The following RNLS variants were observed in gnomAD, a reference collection of about 807,000 sequenced individuals.
RNLS encodes the protein renalase.
Under a neutral mutation model 39.8 loss-of-function variants are expected in RNLS, and 39 were observed. That is an observed-to-expected ratio of 0.98 (90% CI 0.76 to 1.28). The LOEUF is 1.28. Among genes scored for constraint, RNLS ranks in the 50% most tolerant of loss-of-function variants. The pLI is 0.00. For missense variants in RNLS, 410 were observed against 413.3 expected, an observed-to-expected ratio of 0.99 and a Z score of 0.07; for synonymous variants, 147 against 150.7, an observed-to-expected ratio of 0.98 and a Z score of 0.18.
chr10:88,230,526 A>G, the RNLS span, among the ~76,000 whole-genome samples: 1 of 152,034 alleles, frequency 6.6e-6, no homozygotes, highest in African/African-American at 2.4e-5. Context: ...TGCATCTCAC[A>G]CATCTTGGTG....
chr10:88,291,125 T>G (rs1373316319), intron 6 of RNLS, among the ~76,000 whole-genome samples: 1 of 152,146 alleles, frequency 6.6e-6, no homozygotes, highest in Non-Finnish European at 1.5e-5. Flanking sequence ...TGGCAAGTAC[T>G]AAGTAAGGTG....
rs140472516 is a variant in RNLS, at chr10:88,305,744, C to T, written c.876+8722G>A. Reference sequence around the variant, plus strand: ...CAATAATAGTGGGGATCTTTAACACCCCACTGATAACATTAGGCAGATGAT... The same window carrying T: ...CAATAATAGTGGGGATCTTTAACACTCCACTGATAACATTAGGCAGATGAT... On this transcript the variant is annotated intron_variant, in intron 6 of 6. Transcript: ENST00000331772. 6.9e-3 allele frequency among the ~76,000 whole-genome samples: 1,045 copies of T among 152,096 alleles called. 4 individuals are homozygous for T. Among genetic ancestry groups the T allele is most frequent in the Non-Finnish European group, 0.01 (710 of 67,960 alleles).
At chr10:88,219,058 T>A in the RNLS span, among the ~76,000 whole-genome samples, 2 of 152,346 alleles carry the variant, frequency 1.3e-5, no homozygotes, top group South Asian at 4.1e-4. Flanking sequence ...TCCTATTTTG[T>A]ATTTTTCTTT....
the RNLS span, among the ~76,000 whole-genome samples, chr10:88,268,605 A>G: frequency 9.8e-5 from 15 of 152,332 alleles, no homozygotes; most frequent in Admixed American, 7.8e-4. Context: ...CAGACAGGCC[A>G]GGGCTGAATT....
At chr10:88,555,834 CCT>C (rs769625778) in intron 4 of RNLS, among the ~76,000 whole-genome samples, 38 of 152,110 alleles carry the variant, frequency 2.5e-4, no homozygotes, top group Non-Finnish European at 4.9e-4. Flanking sequence ...CTGGCATCTC[CCT>C]CTCAGTCTTT....
chr10:88,425,792 A>T (rs1020069310), intron 4 of RNLS, among the ~76,000 whole-genome samples: 3 of 152,112 alleles, frequency 2.0e-5, no homozygotes, highest in African/African-American at 4.8e-5. Context: ...AGAGAAAAAA[A>T]CGTTGATGTG....
chr10:88,177,994 G>A, the RNLS span, among the ~76,000 whole-genome samples: 1 of 152,174 alleles, frequency 6.6e-6, no homozygotes, highest in Non-Finnish European at 1.5e-5. Flanking sequence ...CATTGGTGGG[G>A]AGCAGCAGCA....
At chr10:88,507,039 A>G (rs905499550) in intron 4 of RNLS, among the ~76,000 whole-genome samples, 3 of 152,170 alleles carry the variant, frequency 2.0e-5, no homozygotes, top group Admixed American at 6.6e-5. Context: ...ATCATCAACC[A>G]TAAGCTTTTA....
chr10:88,456,987 G>A (rs1040265982), intron 4 of RNLS, among the ~76,000 whole-genome samples: 2 of 152,102 alleles, frequency 1.3e-5, no homozygotes, highest in Non-Finnish European at 2.9e-5. Flanking sequence ...CCTTCCAAAT[G>A]GTCGGTGAAG....
At chr10:88,459,913 T>C (rs188281106) in intron 4 of RNLS, among the ~76,000 whole-genome samples, 2 of 152,212 alleles carry the variant, frequency 1.3e-5, no homozygotes, top group African/African-American at 4.8e-5. Context: ...GAGAAATACA[T>C]GGCCACTGAA....
chr10:88,398,765 AAAGGGGG>A (rs1371638277), intron 4 of RNLS, among the ~76,000 whole-genome samples: 1 of 151,980 alleles, frequency 6.6e-6, no homozygotes, highest in African/African-American at 2.4e-5. Context: ...ACAAACAACC[AAAGGGGG>A]GCAAAAAGAT....
intron 4 of RNLS, among the ~76,000 whole-genome samples, chr10:88,403,523 C>A (rs968857826): frequency 1.3e-5 from 2 of 152,002 alleles, no homozygotes; most frequent in African/African-American, 4.8e-5. Context: ...TTTTGGGTCA[C>A]ATTGGGATTA....
chr10:88,391,940 G>A (rs1173347255), intron 4 of RNLS, among the ~76,000 whole-genome samples: 3 of 152,164 alleles, frequency 2.0e-5, no homozygotes, highest in Non-Finnish European at 4.4e-5. Context: ...ATAAACACTG[G>A]CAGTCTGGCA....
intron 6 of RNLS, among the ~76,000 whole-genome samples, chr10:88,307,566 A>G (rs1012718848): frequency 6.6e-6 from 1 of 152,170 alleles, no homozygotes; most frequent in African/African-American, 2.4e-5. Flanking sequence ...CAGGAATGCA[A>G]TCCCATTCAC....
intron 4 of RNLS, among the ~76,000 whole-genome samples, chr10:88,477,583 A>C (rs1484937205): frequency 6.6e-6 from 1 of 152,188 alleles, no homozygotes; most frequent in East Asian, 1.9e-4. Context: ...CAAGGATGAT[A>C]GTGATGACAG....
rs1027487270 is a variant in RNLS at position 88,284,402 on chromosome 10, T to C, written c.*952A>G. 9 of 985,266 alleles carry C rather than the reference T, an allele frequency of 9.1e-6. No homozygotes were observed. The highest frequency in any genetic ancestry group is 5.2e-4 in the Middle Eastern group (1 of 1,936). 61.0% of individuals were successfully genotyped at this position (985,266 alleles called of 1,614,324 possible). A position where few individuals can be genotyped will look rare whatever the true frequency, so the allele number is the denominator to read the frequency against. ...GGTAGCTGGTTTGGAAGGCTGGAGA[T>C]TGATTTCTCTCCAGCTAGCAAGTCG... On this transcript the variant is annotated 3_prime_UTR_variant, in exon 7 of 7. Coordinates refer to ENST00000331772, the MANE Select transcript of RNLS (RefSeq NM_001031709.3).
At chr10:88,352,750 G>A (rs926488287) in intron 5 of RNLS, among the ~76,000 whole-genome samples, 6 of 152,156 alleles carry the variant, frequency 3.9e-5, no homozygotes, top group East Asian at 3.8e-4. Flanking sequence ...TTTTTCTACC[G>A]ATTGGAATAG....
At chr10:88,500,674 T>C (rs1182351475) in intron 4 of RNLS, among the ~76,000 whole-genome samples, 1 of 152,172 alleles carries the variant, frequency 6.6e-6, no homozygotes, top group Non-Finnish European at 1.5e-5. Context: ...TTGCGCTTTT[T>C]CCCATTTTAA....
chr10:88,410,760 G>C (rs1280866614), intron 4 of RNLS, among the ~76,000 whole-genome samples: 1 of 152,046 alleles, frequency 6.6e-6, no homozygotes, highest in Non-Finnish European at 1.5e-5. Flanking sequence ...CTAGGTGCTT[G>C]TATCTTCATT....
Sources: allele counts gnomAD v4.1 joint callset (sites outside exome capture counted in the v4.1 genomes callset), GRCh38; gene constraint gnomAD v4.1.1; transcripts MANE v1.5; gene names NCBI Gene and HGNC (gene_info 2026-07-23, HGNC 2026-07-21).